KCNMA1: variants seen among roughly 807,000 people sequenced by gnomAD.
KCNMA1 encodes Calcium-activated potassium channel subunit alpha-1.
In KCNMA1, 29 loss-of-function variants were observed where a neutral mutation model predicts 140.0. That is an observed-to-expected ratio of 0.21 (90% confidence interval 0.15 to 0.28). The LOEUF (loss-of-function observed/expected upper bound fraction) is 0.28, where lower values mean the gene tolerates loss of function less well. KCNMA1 is among the 10% of genes least tolerant of loss of function. The probability of loss-of-function intolerance (pLI) is 1.00; values close to 1 mark genes in which losing one functional copy is unlikely to be tolerated. For synonymous variants in KCNMA1, 612 were observed against 611.9 expected (o/e 1.00, Z 0.00); for missense variants, 880 against 1,602.2 (o/e 0.55, Z 7.70).
chr10:77,073,057 G>C (rs760390802), intron 14 of KCNMA1, 40 bp downstream of exon 14: 2 of 1,598,560 alleles, frequency 1.3e-6, no homozygotes, highest in Non-Finnish European at 8.6e-7. Context: ...ACGACAAATG[G>C]AATCCCGAGC....
At position 77,437,855 on chromosome 10, in the gene KCNMA1, C is replaced by A. The variant is rs145555210; in HGVS notation, c.379-33832G>T. ...CTTCCTTAAAGTAAGAGGCTGCATG[C>A]GATCAGGAGTGACAAACTCAAATGC... is the stretch of plus-strand genomic sequence containing the variant. On this transcript the variant is annotated intron_variant, in intron 1 of 27. Transcript: ENST00000286628. Among the ~76,000 whole-genome samples, 841 of 152,210 alleles carry A rather than the reference C, an allele frequency of 5.5e-3. 6 individuals carry two copies. The highest frequency in any genetic ancestry group is 9.1e-3 in the Non-Finnish European group (616 of 68,014).
At chr10:77,002,374 T>C (rs2086762131) in intron 18 of KCNMA1, among the ~76,000 whole-genome samples, 1 of 152,226 alleles carries the variant, frequency 6.6e-6, no homozygotes, top group African/African-American at 2.4e-5. Context: ...GTGTATTTTC[T>C]GCTTAAAGCT....
chr10:77,326,788 C>T (rs2084378517), intron 2 of KCNMA1, among the ~76,000 whole-genome samples: 1 of 152,072 alleles, frequency 6.6e-6, no homozygotes, highest in Non-Finnish European at 1.5e-5. Context: ...GACTTTCAGT[C>T]CTGTTTTTCC....
intron 1 of KCNMA1, among the ~76,000 whole-genome samples, chr10:77,467,749 T>TGGCCACTC (rs941374103): frequency 6.6e-6 from 1 of 151,022 alleles, no homozygotes; most frequent in Non-Finnish European, 1.5e-5. Context: ...CAGGGCCACT[T>TGGCCACTC]GGCCACTCGC....
intron 1 of KCNMA1, among the ~76,000 whole-genome samples, chr10:77,459,059 G>C (rs1329118078): frequency 1.3e-5 from 2 of 152,186 alleles, no homozygotes; most frequent in Non-Finnish European, 2.9e-5. Context: ...ATTGGCAAGG[G>C]CTGCACCTGG....
chr10:77,563,835 G>A (rs1241220135), intron 1 of KCNMA1, among the ~76,000 whole-genome samples: 3 of 152,142 alleles, frequency 2.0e-5, no homozygotes, highest in Non-Finnish European at 2.9e-5. Context: ...GCACACCCAC[G>A]GCAAGACTCC....
chr10:77,513,325 C>A (rs2049110516), intron 1 of KCNMA1, among the ~76,000 whole-genome samples: 1 of 152,170 alleles, frequency 6.6e-6, no homozygotes, highest in Admixed American at 6.5e-5. Flanking sequence ...GAGGCTTTTC[C>A]CATCCATCAC....
chr10:77,155,309 A>G (rs541239162), intron 5 of KCNMA1, among the ~76,000 whole-genome samples: 1 of 152,352 alleles, frequency 6.6e-6, no homozygotes, highest in South Asian at 2.1e-4. Flanking sequence ...CTATAACAAG[A>G]GCAAACATTG....
chr10:77,605,092 C>T (rs2083978701), intron 1 of KCNMA1, among the ~76,000 whole-genome samples: 2 of 152,268 alleles, frequency 1.3e-5, no homozygotes, highest in African/African-American at 4.8e-5. Flanking sequence ...AACAAAGCAG[C>T]CAGCTGCCGG....
intron 2 of KCNMA1, chr10:77,309,554 T>G (rs1275610737): frequency 6.6e-6 from 1 of 152,200 alleles, no homozygotes; most frequent in Admixed American, 6.5e-5. Flanking sequence ...TAGGGTGGGA[T>G]CCCTGGTGGG....
At chr10:77,470,384 C>T (rs1008895127) in intron 1 of KCNMA1, among the ~76,000 whole-genome samples, 4 of 152,082 alleles carry the variant, frequency 2.6e-5, no homozygotes, top group Admixed American at 6.5e-5. Context: ...GGGAAGACTC[C>T]GGGTGGCCTC....
At chr10:77,412,535 G>A (rs919870718) in intron 1 of KCNMA1, among the ~76,000 whole-genome samples, 4 of 152,174 alleles carry the variant, frequency 2.6e-5, no homozygotes, top group African/African-American at 7.2e-5. Context: ...GGCACAGGCT[G>A]TGTGCCCTGG....
At chr10:76,898,859 A>T (rs531546619) in intron 25 of KCNMA1, among the ~76,000 whole-genome samples, 112 of 151,844 alleles carry the variant, frequency 7.4e-4, no homozygotes, top group Non-Finnish European at 1.1e-3. Flanking sequence ...TTCTTTTTTT[A>T]AAAAAAAGCA....
In KCNMA1 at chr10:77,451,722, T is replaced by C. The variant is rs1321158001; in HGVS notation, c.379-47699A>G. 3.9e-5 allele frequency among the ~76,000 whole-genome samples: 6 copies of C among 152,144 alleles called. No individual in the cohort carries two copies. In the South Asian group the frequency reaches 8.3e-4, roughly 21 times the overall value. Reference sequence around the variant, plus strand: ...CACATGTTCAAGCACCTGCCTCACCTGTTTTATGGGCAAGTCTGCCAGCTA... The same window carrying C: ...CACATGTTCAAGCACCTGCCTCACCCGTTTTATGGGCAAGTCTGCCAGCTA... On this transcript the variant is annotated intron_variant, in intron 1 of 27. Coordinates refer to ENST00000286628, the MANE Select transcript of KCNMA1 (RefSeq NM_001161352.2).
At chr10:77,357,310 T>C (rs781198684) in intron 2 of KCNMA1, among the ~76,000 whole-genome samples, 5 of 152,212 alleles carry the variant, frequency 3.3e-5, no homozygotes, top group East Asian at 3.9e-4. Flanking sequence ...CAGGTGAAGA[T>C]TGCCATCAGT....
At chr10:77,100,880 G>A (rs1335196284) in intron 9 of KCNMA1, among the ~76,000 whole-genome samples, 2 of 152,122 alleles carry the variant, frequency 1.3e-5, no homozygotes, top group African/African-American at 4.8e-5. Context: ...AAGAATATTT[G>A]AGAGTGAAAA....
At chr10:77,624,016 T>C (rs2092046727) in intron 1 of KCNMA1, among the ~76,000 whole-genome samples, 1 of 152,206 alleles carries the variant, frequency 6.6e-6, no homozygotes, top group South Asian at 2.1e-4. Flanking sequence ...GGGGAGTTTT[T>C]TTCGGAGGTT....
chr10:77,118,870 AC>A (rs958557312), intron 6 of KCNMA1, among the ~76,000 whole-genome samples: 13 of 152,118 alleles, frequency 8.5e-5, no homozygotes, highest in Admixed American at 6.6e-5. Flanking sequence ...ATGGGTGCTC[AC>A]TCCAGGCTTG....
chr10:76,914,047 T>C, intron 24 of KCNMA1: 4 of 1,542,212 alleles, frequency 2.6e-6, no homozygotes, highest in Non-Finnish European at 3.5e-6. Context: ...AGGAAAACAG[T>C]GCTTCTTACC....
Sources: allele counts gnomAD v4.1 joint callset (sites outside exome capture counted in the v4.1 genomes callset), GRCh38; gene constraint gnomAD v4.1.1; transcripts MANE v1.5; gene names NCBI Gene and HGNC (gene_info 2026-07-23, HGNC 2026-07-21).